Variants in CNRIP1 observed in about 807,000 individuals in gnomAD.
The protein encoded by CNRIP1 is cannabinoid receptor interacting protein 1.
A neutral mutation model predicts 15.2 loss-of-function variants in CNRIP1; 10 were observed. The ratio of observed to expected loss-of-function variants is 0.66; its 90% confidence interval spans 0.41 to 1.12. The LOEUF is 1.12. CNRIP1 is among the 50% of genes most tolerant of loss of function. The probability of loss-of-function intolerance (pLI) is 0.00; values close to 1 mark genes in which losing one functional copy is unlikely to be tolerated. For synonymous variants in CNRIP1, 91 were observed against 83.2 expected, an observed-to-expected ratio of 1.09 and a Z score of -0.51; for missense variants, 211 against 214.7, an observed-to-expected ratio of 0.98 and a Z score of 0.11.
At chr2:68,304,724 C>T (rs10192421) in intron 2 of CNRIP1, among the ~76,000 whole-genome samples, 1 of 151,882 alleles carries the variant, frequency 6.6e-6, no homozygotes, top group African/African-American at 2.4e-5. Context: ...AGGTTCATGC[C>T]ATTCTCCTGC....
In CNRIP1 at chr2:68,309,580, C is replaced by A. The variant is rs533441940; in HGVS notation, c.330+7577G>T. On this transcript the variant is annotated intron_variant, in intron 2 of 2. Coordinates refer to ENST00000263655, the MANE Select transcript of CNRIP1 (RefSeq NM_015463.3). ...TTGCTTTTCTGTCTCCACTTCTAAT[C>A]TAAGCACTGGCACTAGAGTGCTTTT... is the stretch of plus-strand genomic sequence containing the variant. Among the ~76,000 whole-genome samples the A allele has an allele frequency of 1.3e-5, 2 of 152,326 alleles. 1 individual carries two copies. Among genetic ancestry groups the A allele is most frequent in the South Asian group, 4.1e-4 (2 of 4,826 alleles).
chr2:68,319,371 G>T lies in CNRIP1; in HGVS notation c.30C>A (p.Leu10=). 2 of 1,584,514 alleles carry T rather than the reference G, an allele frequency of 1.3e-6. No individual in the cohort carries two copies. Residue 10 remains leucine (L), a synonymous_variant, in exon 1 of 3, where the codon CTC becomes CTA. Transcript: ENST00000263655. Reference sequence around the variant, plus strand: ...TAGGCTGGATGCGCAGCGCGATGGAGAGGCGCACGAGGCCCGGCAGGTCCC... The same window carrying T: ...TAGGCTGGATGCGCAGCGCGATGGATAGGCGCACGAGGCCCGGCAGGTCCC... MGDLPGLVR[L]SIALRIQPND... is the part of the protein sequence containing the mutation.
rs1347844277 is a variant in CNRIP1, at chr2:68,319,717, G to A, written c.-317C>T. 1.6e-5 allele frequency: 5 copies of A among 322,208 alleles called. No individual in the cohort carries two copies. Among genetic ancestry groups the A allele is most frequent in the South Asian group, 4.5e-5 (1 of 22,042 alleles). 20.0% of individuals were successfully genotyped at this position (322,208 alleles called of 1,614,324 possible). A position where few individuals can be genotyped will look rare whatever the true frequency, so the allele number is the denominator to read the frequency against. On this transcript the variant is annotated 5_prime_UTR_variant, in exon 1 of 3. Transcript: ENST00000263655. ...CCCGAAGGCTCGCTCTGGCCCGCAG[G>A]CCGCCGCGCAGATCCGCGCAGCTGG... is the stretch of plus-strand genomic sequence containing the variant.
At chr2:68,313,593 T>C (rs569238961) in intron 2 of CNRIP1, among the ~76,000 whole-genome samples, 1 of 152,316 alleles carries the variant, frequency 6.6e-6, no homozygotes, top group South Asian at 2.1e-4. Flanking sequence ...CATGAAATTC[T>C]TACATAGTTA....
At chr2:68,299,999 A>C (rs1671544601) in intron 2 of CNRIP1, among the ~76,000 whole-genome samples, 1 of 152,246 alleles carries the variant, frequency 6.6e-6, no homozygotes, top group Admixed American at 6.5e-5. Flanking sequence ...AAACAAATTC[A>C]GTATAAATAT....
intron 2 of CNRIP1, among the ~76,000 whole-genome samples, chr2:68,310,469 G>A (rs530447009): frequency 6.6e-6 from 1 of 152,154 alleles, no homozygotes; most frequent in Non-Finnish European, 1.5e-5. Context: ...AAGGAGACCA[G>A]GCTAGAAAAG....
chr2:68,291,434 C>T (rs1234344342), downstream of CNRIP1, among the ~76,000 whole-genome samples: 2 of 152,150 alleles, frequency 1.3e-5, no homozygotes, highest in African/African-American at 4.8e-5. Flanking sequence ...AGGATGTGAG[C>T]AGGACTCCCA....
chr2:68,319,097 C>G, intron 1 of CNRIP1, 125 bp downstream of exon 1: 1 of 1,002,466 alleles, frequency 1.0e-6, no homozygotes, highest in Non-Finnish European at 1.4e-6. Context: ...TTCCTCCAAC[C>G]CCCGGGCCCG....
intron 1 of CNRIP1, among the ~76,000 whole-genome samples, chr2:68,317,877 T>C (rs966637673): frequency 6.6e-5 from 10 of 152,194 alleles, no homozygotes; most frequent in African/African-American, 2.2e-4. Flanking sequence ...CAGGTGATTC[T>C]GATATATACT....
chr2:68,306,321 C>CAAAA (rs35066190), intron 2 of CNRIP1, among the ~76,000 whole-genome samples: 12 of 85,748 alleles, frequency 1.4e-4, no homozygotes, highest in Middle Eastern at 8.6e-3. Context: ...GATCCTATCT[C>CAAAA]AAAAAAAAAA....
At chr2:68,303,061 A>C (rs148583094) in intron 2 of CNRIP1, among the ~76,000 whole-genome samples, 1 of 151,486 alleles carries the variant, frequency 6.6e-6, no homozygotes, top group Non-Finnish European at 1.5e-5. Context: ...GTTAGCCAGG[A>C]TGGTCTCGAT....
chr2:68,297,962 C>T (rs1002630168), intron 2 of CNRIP1, among the ~76,000 whole-genome samples: 1 of 152,090 alleles, frequency 6.6e-6, no homozygotes, highest in African/African-American at 2.4e-5. Flanking sequence ...TATCCTTACT[C>T]AGATTTTTTC....
At chr2:68,292,952 G>A (rs1671214605), downstream of CNRIP1, 1 of 885,408 alleles carries the variant, frequency 1.1e-6, no homozygotes, top group African/African-American at 1.8e-5. Flanking sequence ...AGCTGGCCTA[G>A]AGCAGGGATT....
At position 68,298,879 on chromosome 2, in the gene CNRIP1, A is replaced by T. The variant is rs117291279; in HGVS notation, c.331-4853T>A. Reference sequence around the variant, plus strand: ...TTCTTCTTAAAGAACAGGAACAATTATACAGGCTCTTCACTCCCTCCCCGC... The same window carrying T: ...TTCTTCTTAAAGAACAGGAACAATTTTACAGGCTCTTCACTCCCTCCCCGC... On this transcript the variant is annotated intron_variant, in intron 2 of 2. Coordinates refer to ENST00000263655, the MANE Select transcript of CNRIP1 (RefSeq NM_015463.3). Among the ~76,000 whole-genome samples the T allele has an allele frequency of 3.8e-3, 581 of 152,324 alleles. 5 individuals carry two copies. The East Asian group carries it at 0.048, about 13-fold the overall frequency.
At chr2:68,310,053 C>A in intron 2 of CNRIP1, among the ~76,000 whole-genome samples, 1 of 152,148 alleles carries the variant, frequency 6.6e-6, no homozygotes, top group South Asian at 2.1e-4. Flanking sequence ...ATTGGCCAGG[C>A]ACGGTGGCTC....
intron 2 of CNRIP1, among the ~76,000 whole-genome samples, chr2:68,304,938 T>A (rs1671755179): frequency 6.6e-6 from 1 of 152,104 alleles, no homozygotes; most frequent in South Asian, 2.1e-4. Context: ...ATTTCAAACT[T>A]ATGTATTAAA....
chr2:68,313,224 A>G (rs1370283213), intron 2 of CNRIP1, among the ~76,000 whole-genome samples: 1 of 152,160 alleles, frequency 6.6e-6, no homozygotes, highest in Non-Finnish European at 1.5e-5. Flanking sequence ...AGCAACTAGA[A>G]TTCTCATACA....
Position 68,294,005 on chromosome 2 carries a change from C to T in CNRIP1, c.352G>A (p.Glu118Lys), listed in dbSNP as rs1264024745. Residue 118 changes from glutamate (E) to lysine (K), a missense_variant, in exon 3 of 3, where the codon GAG (glutamate) becomes AAG (lysine). Transcript: ENST00000263655. ...TMPFTDIGTF[E>K]TVWQVKFYNY... Reference sequence around the variant, plus strand: ...TAGAACTTGACTTGCCACACTGTCTCGAAGGTCCCAATGTCTGTGAACTGA... The same window carrying T: ...TAGAACTTGACTTGCCACACTGTCTTGAAGGTCCCAATGTCTGTGAACTGA... 1.2e-6 allele frequency: 2 copies of T among 1,613,766 alleles called. No individual in the cohort carries two copies. The highest frequency in any genetic ancestry group is 1.3e-5 in the African/African-American group (1 of 74,866).
Position 68,293,694 on chromosome 2 carries a change from A to G in CNRIP1, c.*168T>C. The G allele has an allele frequency of 7.2e-7, 1 of 1,387,368 alleles. No homozygotes were observed. Among genetic ancestry groups the G allele is most frequent in the Non-Finnish European group, 9.4e-7 (1 of 1,067,662 alleles). 85.9% of individuals were successfully genotyped at this position (1,387,368 alleles called of 1,614,324 possible). A position where few individuals can be genotyped will look rare whatever the true frequency, so the allele number is the denominator to read the frequency against. ...TACATCACCATCTTGTATGTGAGGG[A>G]TATTGTGTCAGAGGGGAATTACACT... On this transcript the variant is annotated 3_prime_UTR_variant, in exon 3 of 3. Transcript: ENST00000263655.
Sources: allele counts gnomAD v4.1 joint callset (sites outside exome capture counted in the v4.1 genomes callset), GRCh38; gene constraint gnomAD v4.1.1; transcripts MANE v1.5; gene names NCBI Gene and HGNC (gene_info 2026-07-23, HGNC 2026-07-21).